Variants in MAPK10 observed in about 807,000 individuals in gnomAD.
The protein encoded by MAPK10 is mitogen-activated protein kinase 10, also known as JNK3 alpha protein kinase.
In MAPK10, 25 loss-of-function variants were observed where a neutral mutation model predicts 59.3. That is an observed-to-expected ratio of 0.42 (90% CI 0.31 to 0.59). The LOEUF (loss-of-function observed/expected upper bound fraction) is 0.59, where lower values mean the gene tolerates loss of function less well. MAPK10 is among the 20% of genes least tolerant of loss of function. The pLI, the probability that MAPK10 is intolerant of heterozygous loss-of-function variation, is 0.15. For missense variants in MAPK10, 351 were observed against 568.9 expected (o/e 0.62, Z 3.90); for synonymous variants, 190 against 200.5 (o/e 0.95, Z 0.44).
chr4:86,487,302 T>A (rs1339532755), intron 1 of MAPK10, among the ~76,000 whole-genome samples: 3 of 151,270 alleles, frequency 2.0e-5, no homozygotes, highest in African/African-American at 4.9e-5. Flanking sequence ...AATAAAGGAC[T>A]AAGAGGTAAG....
In MAPK10 at chr4:86,120,246, G is replaced by T. The variant is rs538193238; in HGVS notation, c.237-12894C>A. On this transcript the variant is annotated intron_variant, in intron 4 of 13. Coordinates refer to ENST00000641462, the MANE Select transcript of MAPK10 (RefSeq NM_138982.4). ...CTAGATGACCAAGCCTAATTATAGA[G>T]TTTTCATTCAAAACCACTTTGTGCT... 7.2e-5 allele frequency: 11 copies of T among 152,262 alleles called. No individual in the cohort carries two copies. The East Asian group carries it at 1.9e-3, about 27-fold the overall frequency. 9.4% of individuals were successfully genotyped at this position (152,262 alleles called of 1,614,324 possible). A position where few individuals can be genotyped will look rare whatever the true frequency, so the allele number is the denominator to read the frequency against.
intron 1 of MAPK10, among the ~76,000 whole-genome samples, chr4:86,584,662 T>A (rs1762540841): frequency 6.6e-6 from 1 of 152,158 alleles, no homozygotes; most frequent in Non-Finnish European, 1.5e-5. Context: ...CCCAGGCTGA[T>A]CTCAAACTCC....
intron 1 of MAPK10, among the ~76,000 whole-genome samples, chr4:86,402,392 A>C (rs1743837980): frequency 6.6e-6 from 1 of 152,212 alleles, no homozygotes; most frequent in Admixed American, 6.5e-5. Context: ...TTCACATGGA[A>C]GCAGAAACAT....
rs1752039518 is a variant in MAPK10 at position 86,029,308 on chromosome 4, A to C, written c.1175-34T>G. ...AACAGCTGTGTTATTATAGAAAACA[A>C]ATTTATCCTTCATCCACAGGGAAAT... On this transcript the variant is annotated intron_variant, in intron 12 of 13. Transcript: ENST00000641462. 3.0e-6 allele frequency: 4 copies of C among 1,329,084 alleles called. No homozygotes were observed. In the East Asian group the frequency reaches 9.2e-5, roughly 31 times the overall value. The allele number at this position is 1,329,084 out of a possible 1,614,324, so 82.3% of individuals were successfully genotyped here. A position where few individuals can be genotyped will look rare whatever the true frequency, so the allele number is the denominator to read the frequency against.
At chr4:86,069,368 G>T (rs1169695156) in intron 9 of MAPK10, among the ~76,000 whole-genome samples, 1 of 151,626 alleles carries the variant, frequency 6.6e-6, no homozygotes, top group Non-Finnish European at 1.5e-5. Flanking sequence ...ATGAAGGTGG[G>T]AAAAACAATA....
upstream of MAPK10, among the ~76,000 whole-genome samples, chr4:86,455,007 A>G (rs1452659257): frequency 6.6e-6 from 1 of 152,180 alleles, no homozygotes; most frequent in Non-Finnish European, 1.5e-5. Context: ...ATTATCAGCC[A>G]AGAATTTTTG....
intron 2 of MAPK10, among the ~76,000 whole-genome samples, chr4:86,272,666 C>T (rs577016599): frequency 6.6e-6 from 1 of 151,938 alleles, no homozygotes; most frequent in African/African-American, 2.4e-5. Context: ...TAATGTAACT[C>T]TTGTCTGTAT....
intron 1 of MAPK10, among the ~76,000 whole-genome samples, chr4:86,427,423 T>C (rs1308535069): frequency 6.6e-6 from 1 of 152,118 alleles, no homozygotes; most frequent in Non-Finnish European, 1.5e-5. Context: ...TACCATAGTT[T>C]CCCCATTGAA....
chr4:86,321,511 C>A (rs536939877), intron 2 of MAPK10, among the ~76,000 whole-genome samples: 1 of 147,644 alleles, frequency 6.8e-6, no homozygotes, highest in Non-Finnish European at 1.5e-5. Flanking sequence ...CGCATATTCT[C>A]ACTCAAAGGT....
At chr4:86,250,878 A>AT (rs1365900307) in intron 2 of MAPK10, among the ~76,000 whole-genome samples, 1 of 152,150 alleles carries the variant, frequency 6.6e-6, no homozygotes, top group East Asian at 1.9e-4. Context: ...GAAAACTATT[A>AT]TTTTTCCTCT....
chr4:86,230,358 A>C (rs985414138), intron 2 of MAPK10, among the ~76,000 whole-genome samples: 1 of 152,200 alleles, frequency 6.6e-6, no homozygotes, highest in African/African-American at 2.4e-5. Context: ...AGCACACAAC[A>C]CATAAAGAAA....
intron 1 of MAPK10, chr4:86,384,037 C>T (rs928941930): frequency 6.6e-6 from 1 of 152,150 alleles, no homozygotes; most frequent in African/African-American, 2.4e-5. Context: ...AGTTTGTACT[C>T]AATAGTTTCT....
intron 1 of MAPK10, among the ~76,000 whole-genome samples, chr4:86,507,655 T>TATATATATATATATATATACAC (rs1755887058): frequency 1.4e-5 from 1 of 71,266 alleles, no homozygotes; most frequent in Non-Finnish European, 2.9e-5. Flanking sequence ...TATATATATA[T>TATATATATATATATATATACAC]ATATATATAT....
intron 1 of MAPK10, among the ~76,000 whole-genome samples, chr4:86,411,882 GTAT>G (rs1270051442): frequency 2.0e-5 from 3 of 152,104 alleles, no homozygotes; most frequent in Non-Finnish European, 2.9e-5. Context: ...TTTAATTGGA[GTAT>G]TTAGCCCATT....
At position 86,555,446 on chromosome 4, in the gene MAPK10, CA is replaced by C. The variant is rs890463696; in HGVS notation, c.-263+38463del. Among the ~76,000 whole-genome samples, 9 of 151,164 alleles carry C rather than the reference CA, an allele frequency of 6.0e-5. No homozygotes were observed. The East Asian group carries it at 1.5e-3, about 26-fold the overall frequency. ...GGGTGACAGAGTTGAGACTCCATCT[CA>C]AAAAAAAGGAAAGTAGGGATTATAG... is the stretch of plus-strand genomic sequence containing the variant. On this transcript the variant is annotated intron_variant, in intron 1 of 4. Transcript: ENST00000502302.
intron 11 of MAPK10, among the ~76,000 whole-genome samples, chr4:86,048,771 A>G (rs1156678169): frequency 6.6e-6 from 1 of 152,158 alleles, no homozygotes; most frequent in African/African-American, 2.4e-5. Flanking sequence ...AGTATACTTC[A>G]CTAATGTTAG....
intron 3 of MAPK10, among the ~76,000 whole-genome samples, chr4:86,175,309 A>G (rs1434740296): frequency 1.3e-5 from 2 of 152,180 alleles, no homozygotes; most frequent in Admixed American, 1.3e-4. Flanking sequence ...CAAATGCTAC[A>G]TTTAAGAATC....
At chr4:86,560,334 C>T (rs72665752) in intron 1 of MAPK10, among the ~76,000 whole-genome samples, 34,366 of 152,156 alleles carry the variant, frequency 0.23, 4,612 homozygotes, top group Admixed American at 0.3. Flanking sequence ...TGTGCCCCTA[C>T]AGGTTGGATG....
At chr4:86,457,636 A>T (rs922545163), upstream of MAPK10, among the ~76,000 whole-genome samples, 7 of 152,160 alleles carry the variant, frequency 4.6e-5, no homozygotes, top group African/African-American at 1.7e-4. Context: ...AAACTACAAA[A>T]CGTTGCCGAA....
Sources: allele counts gnomAD v4.1 joint callset (sites outside exome capture counted in the v4.1 genomes callset), GRCh38; gene constraint gnomAD v4.1.1; transcripts MANE v1.5; gene names NCBI Gene and HGNC (gene_info 2026-07-23, HGNC 2026-07-21).